Variants in SMG1 observed in about 807,000 individuals in gnomAD.
The protein encoded by SMG1 is SMG1 nonsense mediated mRNA decay associated PI3K related kinase.
In SMG1, 22 loss-of-function variants were observed where a neutral mutation model predicts 419.9. The ratio of observed to expected loss-of-function variants is 0.05; its 90% CI spans 0.04 to 0.07. SMG1 has a LOEUF of 0.07. Ranked by LOEUF, SMG1 falls within the 10% of genes least tolerant of loss-of-function variation. SMG1 has a pLI of 1.00. For missense variants in SMG1, 3,185 were observed against 4,342.0 expected (o/e 0.73, Z 7.49); for synonymous variants, 1,538 against 1,553.5 (o/e 0.99, Z 0.23).
rs1446442846 is a variant in SMG1, at chr16:18,838,301, C to A, written c.7194+56G>T. 7 of 1,607,504 alleles carry A rather than the reference C, an allele frequency of 4.4e-6. No individual in the cohort carries two copies. In the African/African-American group the frequency reaches 8.0e-5, roughly 18 times the overall value. ...CATCACTAAAGTGTGGTTTTCATTCCACAGGTTTTGCTCATTTAACAAATA... is the reference window on the plus strand; with the variant it reads ...CATCACTAAAGTGTGGTTTTCATTCAACAGGTTTTGCTCATTTAACAAATA... On this transcript the variant is annotated intron_variant, in intron 44 of 62. Transcript: ENST00000446231.
intron 1 of SMG1, among the ~76,000 whole-genome samples, chr16:18,904,587 G>A (rs1288184311): frequency 2.6e-5 from 4 of 151,624 alleles, no homozygotes; most frequent in Admixed American, 1.3e-4. Context: ...GCAGTAAGCC[G>A]AGATCATGCC....
At chr16:18,871,899 C>CA (rs1010683585) in intron 15 of SMG1, among the ~76,000 whole-genome samples, 78 of 114,764 alleles carry the variant, frequency 6.8e-4, no homozygotes, top group South Asian at 2.0e-3. Flanking sequence ...AACTCCGTCT[C>CA]AAAAAAAAAA....
intron 30 of SMG1, 131 bp downstream of exon 30, chr16:18,854,525 G>A (rs2034789751): frequency 2.3e-6 from 2 of 855,832 alleles, no homozygotes; most frequent in Admixed American, 3.1e-5. Flanking sequence ...TATTATTCAG[G>A]ATGCAAATGT....
At position 18,862,101 on chromosome 16, in the gene SMG1, C is replaced by G. The variant is rs2035249153; in HGVS notation, c.3696-1325G>C. Among the ~76,000 whole-genome samples the G allele has an allele frequency of 2.6e-5, 4 of 152,252 alleles. No homozygotes were observed. In the South Asian group the frequency reaches 6.2e-4, roughly 24 times the overall value. On this transcript the variant is annotated intron_variant, in intron 25 of 62. Coordinates refer to ENST00000446231, the MANE Select transcript of SMG1 (RefSeq NM_015092.5). ...CACTGACCAAATAACTTACCTCAAGCTTTTCATTTTCAAATGTCTCTACCA... is the reference window on the plus strand; with the variant it reads ...CACTGACCAAATAACTTACCTCAAGGTTTTCATTTTCAAATGTCTCTACCA...
At chr16:18,906,398 G>A (rs544194693) in intron 1 of SMG1, among the ~76,000 whole-genome samples, 45 of 152,116 alleles carry the variant, frequency 3.0e-4, no homozygotes, top group African/African-American at 9.6e-4. Context: ...CAGGAGAATC[G>A]CTTGAACCCA....
chr16:18,879,256 C>T, intron 11 of SMG1: 1 of 494,262 alleles, frequency 2.0e-6, no homozygotes, highest in Non-Finnish European at 3.7e-6. Context: ...GCTAGGACTA[C>T]AGGTGCACGC....
chr16:18,890,202 C>T (rs1032285625), intron 5 of SMG1, among the ~76,000 whole-genome samples: 3 of 152,174 alleles, frequency 2.0e-5, no homozygotes, highest in Admixed American at 2.0e-4. Context: ...GAAGGAAACT[C>T]CTTTTTACCT....
chr16:18,871,797 G>A (rs1358723692), intron 15 of SMG1, among the ~76,000 whole-genome samples: 1 of 151,896 alleles, frequency 6.6e-6, no homozygotes, highest in Non-Finnish European at 1.5e-5. Context: ...AAATTAGCTG[G>A]GTGTGGTGGC....
chr16:18,916,079 AAAAAAAAAAACCAG>A (rs1214018553), intron 1 of SMG1, among the ~76,000 whole-genome samples: 7 of 123,248 alleles, frequency 5.7e-5, no homozygotes, highest in African/African-American at 2.0e-4. Context: ...CAAAAAAAAA[AAAAAAAAAAACCAG>A]AAAAAAAAAA....
intron 46 of SMG1, 87 bp downstream of exon 46, chr16:18,837,166 A>G (rs1224451456): frequency 4.1e-6 from 5 of 1,205,488 alleles, no homozygotes; most frequent in Non-Finnish European, 5.7e-6. Flanking sequence ...ATTTGTTACA[A>G]TAATTCTAAT....
At chr16:18,878,605 A>AC (rs1596579898) in intron 11 of SMG1, 1 of 135,264 alleles carries the variant, frequency 7.4e-6, no homozygotes, top group Non-Finnish European at 1.6e-5. Context: ...AGATCCTGTG[A>AC]CAAAAAAAAA....
rs796991578 is a variant in SMG1, at chr16:18,917,146, AATTT to A, written c.92+8800_92+8803del. Reference sequence around the variant, plus strand: ...CTGAACACTTTTACCTTAATTAATTAATTTATTTATTTATTTATTTTTTGAGACA... The same window carrying A: ...CTGAACACTTTTACCTTAATTAATTAATTTATTTATTTATTTTTTGAGACA... On this transcript the variant is annotated intron_variant, in intron 1 of 62. Coordinates refer to ENST00000446231, the MANE Select transcript of SMG1 (RefSeq NM_015092.5). Among the ~76,000 whole-genome samples, 640 of 151,538 alleles carry A rather than the reference AATTT, an allele frequency of 4.2e-3. 3 individuals are homozygous for A. The highest frequency in any genetic ancestry group is 0.014 in the African/African-American group (595 of 41,464).
intron 60 of SMG1, among the ~76,000 whole-genome samples, chr16:18,814,012 C>CA (rs2031728325): frequency 9.2e-6 from 1 of 109,226 alleles, no homozygotes; most frequent in African/African-American, 3.6e-5. Flanking sequence ...GCCTGGGCGA[C>CA]TGAGTGAGAC....
At chr16:18,819,778 CA>C in intron 55 of SMG1, 124 bp from the exon 56 acceptor site, 1 of 1,013,580 alleles carries the variant, frequency 9.9e-7, no homozygotes, top group Non-Finnish European at 1.4e-6. Flanking sequence ...ATTTAGAAAA[CA>C]AAAGTTTTAA....
At chr16:18,890,352 T>C (rs2036821440) in intron 5 of SMG1, among the ~76,000 whole-genome samples, 2 of 152,206 alleles carry the variant, frequency 1.3e-5, no homozygotes, top group African/African-American at 4.8e-5. Context: ...AAATAAAATA[T>C]TCCAGCCAGG....
At chr16:18,912,575 C>T (rs1406267988) in intron 1 of SMG1, among the ~76,000 whole-genome samples, 1 of 151,962 alleles carries the variant, frequency 6.6e-6, no homozygotes, top group African/African-American at 2.4e-5. Flanking sequence ...GTAGAGAGCA[C>T]TACCATCATA....
chr16:18,828,019 G>T lies in SMG1; in HGVS notation c.9741+12C>A. The T allele has an allele frequency of 6.2e-7, 1 of 1,607,972 alleles. No individual in the cohort carries two copies. The highest frequency in any genetic ancestry group is 8.5e-7 in the Non-Finnish European group (1 of 1,176,658). On this transcript the variant is annotated intron_variant, in intron 55 of 62. Transcript: ENST00000446231. ...AGAAAATGCCCTGGAAGGAAGATCT[G>T]GCAAAACACACCTGAACTGTTGCAA... is the stretch of plus-strand genomic sequence containing the variant.
chr16:18,819,473 A>G, intron 56 of SMG1, 29 bp downstream of exon 56: 1 of 1,602,440 alleles, frequency 6.2e-7, no homozygotes. Context: ...AAAAGTGAAT[A>G]CAAAGATGGT....
Position 18,812,026 on chromosome 16 carries a change from G to A in SMG1, c.10723C>T (p.Pro3575Ser). ...KNLATSADTP[P>S]STVPGTGKSV... Reference sequence around the variant, plus strand: ...TTGCCAGTTCCTGGAACGGTGCTTGGTGGAGTATCAGCTGATGTAGCAAGA... The same window carrying A: ...TTGCCAGTTCCTGGAACGGTGCTTGATGGAGTATCAGCTGATGTAGCAAGA... The change falls in exon 61 of 63, where the codon CCA becomes TCA. Residue 3575 changes from proline (P) to serine (S), a missense_variant. Transcript: ENST00000446231. 1 of 1,613,980 alleles carries A rather than the reference G, an allele frequency of 6.2e-7. No homozygotes were observed. The highest frequency in any genetic ancestry group is 8.5e-7 in the Non-Finnish European group (1 of 1,179,876).
Sources: allele counts gnomAD v4.1 joint callset (sites outside exome capture counted in the v4.1 genomes callset), GRCh38; gene constraint gnomAD v4.1.1; transcripts MANE v1.5; gene names NCBI Gene and HGNC (gene_info 2026-07-23, HGNC 2026-07-21).